Variants in SERPINA3 observed in about 807,000 individuals in gnomAD.
The protein encoded by SERPINA3 is alpha-1-antichymotrypsin.
Under a neutral mutation model 26.8 loss-of-function variants are expected in SERPINA3, and 32 were observed. The ratio of observed to expected loss-of-function variants is 1.20; its 90% CI spans 0.90 to 1.61. The LOEUF is 1.61. Among genes scored for constraint, SERPINA3 ranks in the 40% most tolerant of loss-of-function variants. The pLI is 0.00. For synonymous variants in SERPINA3, 252 were observed against 206.4 expected (o/e 1.22, Z -1.89); for missense variants, 632 against 517.9 (o/e 1.22, Z -2.14).
At chr14:94,614,395 A>C in intron 1 of SERPINA3, 39 bp from the exon 2 acceptor site, 1 of 1,599,958 alleles carries the variant, frequency 6.3e-7, no homozygotes, top group Non-Finnish European at 8.5e-7. Flanking sequence ...TCGGGGCTCC[A>C]TCTGGCCCTC....
At position 94,614,793 on chromosome 14, in the gene SERPINA3, A is replaced by C. The variant is rs1219460732; in HGVS notation, c.352A>C (p.Ser118Arg). 6.2e-7 allele frequency: 1 copy of C among 1,614,168 alleles called. No homozygotes were observed. The highest frequency in any genetic ancestry group is 8.5e-7 in the Non-Finnish European group (1 of 1,180,032). ...TETSEAEIHQ[S>R]FQHLLRTLNQ... Reference sequence around the variant, plus strand: ...GACTTCTGAGGCAGAAATTCACCAGAGCTTCCAGCACCTCCTGCGCACCCT... The same window carrying C: ...GACTTCTGAGGCAGAAATTCACCAGCGCTTCCAGCACCTCCTGCGCACCCT... The change falls in exon 2 of 5, where the codon AGC becomes CGC. Residue 118 changes from serine (S) to arginine (R), a missense_variant. Ser to Arg is a moderately radical substitution (Grantham distance 110). Coordinates refer to ENST00000393078, the MANE Select transcript of SERPINA3 (RefSeq NM_001085.5).
At chr14:94,614,242 A>G (rs1885891667) in intron 1 of SERPINA3, 192 bp from the exon 2 acceptor site, 1 of 612,280 alleles carries the variant, frequency 1.6e-6, no homozygotes, top group Middle Eastern at 4.4e-4. Flanking sequence ...CAATTATGGT[A>G]CCTACCTCAA....
intron 2 of SERPINA3, 39 bp from the exon 3 acceptor site, chr14:94,619,156 T>C: frequency 6.2e-7 from 1 of 1,613,720 alleles, no homozygotes; most frequent in Non-Finnish European, 8.5e-7. Flanking sequence ...GGGCGACCCT[T>C]GCACTCACAC....
chr14:94,616,779 T>C (rs2268336), intron 2 of SERPINA3, among the ~76,000 whole-genome samples: 58,796 of 151,874 alleles, frequency 0.39, 11,604 homozygotes, highest in Middle Eastern at 0.57. Flanking sequence ...GAGAGAAAGT[T>C]GAGTCAAGCA....
rs79603029 is a variant in SERPINA3, at chr14:94,615,526, G to A, written c.643+442G>A. 8.7e-4 allele frequency: 391 copies of A among 449,020 alleles called. 6 individuals carry two copies. In the East Asian group the frequency reaches 0.021, roughly 24 times the overall value. The allele number at this position is 449,020 out of a possible 1,614,324, so 27.8% of individuals were successfully genotyped here. On this transcript the variant is annotated intron_variant, in intron 2 of 4. Coordinates refer to ENST00000393078, the MANE Select transcript of SERPINA3 (RefSeq NM_001085.5). ...GTGGGAGGAGCACATTCCAGCCAGG[G>A]GCCTTGGTGTCTGGAGGTGGCCAGG...
chr14:94,613,204 T>C (rs958099909), intron 1 of SERPINA3: 2 of 147,588 alleles, frequency 1.4e-5, no homozygotes, highest in African/African-American at 5.0e-5. Flanking sequence ...TCCCTTCCTT[T>C]CCTTCCTTCC....
Position 94,619,319 on chromosome 14 carries a change from C to T in SERPINA3, c.768C>T (p.Asp256=), listed in dbSNP as rs759295354. ...LHHLTIPYFR[D]EELSCTVVEL... is the part of the protein sequence containing the mutation. ...ACCTGACTATACCTTACTTCCGGGA[C>T]GAGGAGCTGTCCTGCACCGTGGTGG... Residue 256 remains aspartate (D), a synonymous_variant, in exon 3 of 5, where the codon GAC becomes GAT. Transcript: ENST00000393078. The T allele has an allele frequency of 4.7e-5, 76 of 1,614,058 alleles. No individual in the cohort carries two copies. Among genetic ancestry groups the T allele is most frequent in the Non-Finnish European group, 5.6e-5 (66 of 1,180,044 alleles).
chr14:94,614,794 G>A lies in SERPINA3; in HGVS notation c.353G>A (p.Ser118Asn), dbSNP rs749111661. 1.2e-6 allele frequency: 2 copies of A among 1,614,192 alleles called. No homozygotes were observed. Among genetic ancestry groups the A allele is most frequent in the Admixed American group, 1.7e-5 (1 of 60,014 alleles). The change falls in exon 2 of 5, where the codon AGC (serine) becomes AAC (asparagine). Residue 118 changes from serine to asparagine, a missense_variant. Coordinates refer to ENST00000393078, the MANE Select transcript of SERPINA3 (RefSeq NM_001085.5). ...ACTTCTGAGGCAGAAATTCACCAGA[G>A]CTTCCAGCACCTCCTGCGCACCCTC... ...TETSEAEIHQ[S>N]FQHLLRTLNQ... is the part of the protein sequence containing the mutation.
At chr14:94,618,851 C>A in intron 2 of SERPINA3, 1 of 436,870 alleles carries the variant, frequency 2.3e-6, no homozygotes, top group Non-Finnish European at 4.3e-6. Context: ...GGAACAAAGG[C>A]TGTCCCATTT....
rs149084925 is a variant in SERPINA3 at position 94,621,709 on chromosome 14, C to G, written c.918-632C>G. Among the ~76,000 whole-genome samples, 6 of 152,182 alleles carry G rather than the reference C, an allele frequency of 3.9e-5. No individual in the cohort carries two copies. In the East Asian group the frequency reaches 1.2e-3, roughly 30 times the overall value. On this transcript the variant is annotated intron_variant, in intron 3 of 4. Coordinates refer to ENST00000393078, the MANE Select transcript of SERPINA3 (RefSeq NM_001085.5). ...TTGTTTCAGGATCCCCAAAGCTCTT[C>G]TAACACAATCAGACTCTTCAGAGGC...
chr14:94,612,478 GGA>G (rs1566845313), intron 1 of SERPINA3, 31 bp downstream of exon 1: 1 of 1,303,798 alleles, frequency 7.7e-7, no homozygotes, highest in Admixed American at 2.0e-5. Flanking sequence ...TCCTGGGAGC[GGA>G]GGAATCTGTT....
rs374387869 is a variant in SERPINA3, at chr14:94,623,721, G to A, written c.1179G>A (p.Val393=). The A allele has an allele frequency of 6.2e-7, 1 of 1,614,146 alleles. No homozygotes were observed. Among genetic ancestry groups the A allele is most frequent in the Non-Finnish European group, 8.5e-7 (1 of 1,180,012 alleles). The change falls in exon 5 of 5, where the codon GTG becomes GTA. Residue 393 remains valine, a synonymous_variant. Transcript: ENST00000393078. ...CATTAGTGGAGACAAGGACCATTGT[G>A]CGTTTCAACAGGCCCTTCCTGATGA... The part of the protein sequence containing the change: ...LSALVETRTI[V]RFNRPFLMII...
intron 2 of SERPINA3, chr14:94,618,926 T>G: frequency 1.9e-6 from 1 of 538,654 alleles, no homozygotes; most frequent in African/African-American, 1.9e-5. Flanking sequence ...TAAACCTTCT[T>G]TCTCTCTTGC....
intron 1 of SERPINA3, chr14:94,614,112 A>T: frequency 2.7e-6 from 1 of 367,126 alleles, no homozygotes; most frequent in Non-Finnish European, 5.1e-6. Flanking sequence ...ATCAGCTTAC[A>T]GACCGAGGAG....
chr14:94,620,379 C>T (rs750838079), intron 3 of SERPINA3, among the ~76,000 whole-genome samples: 4 of 152,176 alleles, frequency 2.6e-5, no homozygotes, highest in Non-Finnish European at 4.4e-5. Context: ...CTGTGTACTT[C>T]AGCTCCACCA....
Position 94,619,457 on chromosome 14 carries a change from T to A in SERPINA3, c.906T>A (p.Ser302=), listed in dbSNP as rs2139961138. The A allele has an allele frequency of 6.2e-7, 1 of 1,614,042 alleles. No homozygotes were observed. Reference sequence around the variant, plus strand: ...AGACCCTGAAGCGGTGGAGAGACTCTCTGGAGTTCAGGTGATTCTTCCTGG... The same window carrying A: ...AGACCCTGAAGCGGTGGAGAGACTCACTGGAGTTCAGGTGATTCTTCCTGG... The part of the protein sequence containing the change: ...LPETLKRWRD[S]LEFREIGELY... The change falls in exon 3 of 5, where the codon TCT becomes TCA. Residue 302 remains serine, a synonymous_variant. Transcript: ENST00000393078.
At chr14:94,621,826 G>A (rs1306905626) in intron 3 of SERPINA3, among the ~76,000 whole-genome samples, 3 of 152,040 alleles carry the variant, frequency 2.0e-5, no homozygotes, top group East Asian at 1.9e-4. Context: ...CCACCGCCCC[G>A]TGGAGCAACT....
chr14:94,615,522 C>G lies in SERPINA3; in HGVS notation c.643+438C>G, dbSNP rs563011442. The G allele has an allele frequency of 1.3e-5, 6 of 451,956 alleles. No homozygotes were observed. The East Asian group carries it at 4.1e-4, about 31-fold the overall frequency. The allele number at this position is 451,956 out of a possible 1,614,324, so 28.0% of individuals were successfully genotyped here. The stretch of plus-strand genomic sequence containing the variant: ...ACATGTGGGAGGAGCACATTCCAGC[C>G]AGGGGCCTTGGTGTCTGGAGGTGGC... On this transcript the variant is annotated intron_variant, in intron 2 of 4. Transcript: ENST00000393078.
Position 94,619,235 on chromosome 14 carries a change from G to C in SERPINA3, c.684G>C (p.Gln228His), listed in dbSNP as rs185981965. Residue 228 changes from glutamine (Q) to histidine (H), a missense_variant, in exon 3 of 5, where the codon CAG (glutamine) becomes CAC (histidine). Physicochemically the swap from Gln to His is conservative, Grantham distance 24. Coordinates refer to ENST00000393078, the MANE Select transcript of SERPINA3 (RefSeq NM_001085.5). ...CCTTTGACCCCCAAGATACTCATCAGTCAAGGTTCTACTTGAGCAAGAAAA... is the reference window on the plus strand; with the variant it reads ...CCTTTGACCCCCAAGATACTCATCACTCAAGGTTCTACTTGAGCAAGAAAA... ...EMPFDPQDTH[Q>H]SRFYLSKKKW... The C allele has an allele frequency of 8.1e-6, 13 of 1,614,178 alleles. No individual in the cohort carries two copies. The East Asian group carries it at 2.5e-4, about 30-fold the overall frequency.
Sources: allele counts gnomAD v4.1 joint callset (sites outside exome capture counted in the v4.1 genomes callset), GRCh38; gene constraint gnomAD v4.1.1; transcripts MANE v1.5; gene names NCBI Gene and HGNC (gene_info 2026-07-23, HGNC 2026-07-21).